Variants in ZNF701 observed in about 807,000 individuals in gnomAD.
ZNF701 encodes zinc finger protein 701.
Under a neutral mutation model 7.1 loss-of-function variants are expected in ZNF701, and 6 were observed. The ratio of observed to expected loss-of-function variants is 0.84; its 90% CI spans 0.46 to 1.66. ZNF701 has a LOEUF of 1.66. Among genes scored for constraint, ZNF701 ranks in the 40% most tolerant of loss-of-function variants. The pLI, the probability that ZNF701 is intolerant of heterozygous loss-of-function variation, is 0.01. For missense variants in ZNF701, 541 were observed against 559.2 expected (o/e 0.97, Z 0.33); for synonymous variants, 166 against 188.2 (o/e 0.88, Z 0.97).
At chr19:52,592,320 T>C in the ZNF701 span, 1 of 1,301,370 alleles carries the variant, frequency 7.7e-7, no homozygotes, top group Non-Finnish European at 1.1e-6. Flanking sequence ...TGTTGCCCCA[T>C]ACATGCTTTT....
chr19:52,575,484 G>A (rs187778023), intron 2 of ZNF701, among the ~76,000 whole-genome samples: 6 of 151,774 alleles, frequency 4.0e-5, no homozygotes, highest in Admixed American at 2.6e-4. Flanking sequence ...TTTGTACTTC[G>A]ATTAATTTTA....
In ZNF701 at chr19:52,574,065, T is replaced by C. The variant is rs2059917204; in HGVS notation, c.-71-12T>C. 1 of 1,609,440 alleles carries C rather than the reference T, an allele frequency of 6.2e-7. No individual in the cohort carries two copies. Among genetic ancestry groups the C allele is most frequent in the Admixed American group, 1.7e-5 (1 of 59,914 alleles). Reference sequence around the variant, plus strand: ...GATTCTGAGCAGTAAACAACATATTTCTAACATTCAGGATTGACTTCTAAA... The same window carrying C: ...GATTCTGAGCAGTAAACAACATATTCCTAACATTCAGGATTGACTTCTAAA... On this transcript the variant is annotated splice_polypyrimidine_tract_variant and intron_variant, in intron 1 of 3. Coordinates refer to ENST00000391785, the MANE Select transcript of ZNF701 (RefSeq NM_018260.3).
Position 52,586,994 on chromosome 19 carries a change from T to C in ZNF701, c.*3537T>C, listed in dbSNP as rs1239642375. 1 of 152,204 alleles carries C rather than the reference T, an allele frequency of 6.6e-6. No individual in the cohort carries two copies. Among genetic ancestry groups the C allele is most frequent in the Non-Finnish European group, 1.5e-5 (1 of 68,058 alleles). The allele number at this position is 152,204 out of a possible 1,614,324, so 9.4% of individuals were successfully genotyped here. A position where few individuals can be genotyped will look rare whatever the true frequency, so the allele number is the denominator to read the frequency against. On this transcript the variant is annotated 3_prime_UTR_variant, in exon 4 of 4. Coordinates refer to ENST00000391785, the MANE Select transcript of ZNF701 (RefSeq NM_018260.3). Reference sequence around the variant, plus strand: ...GTGTGCAGTTGTCTCCGCAGCTCTCTGCTGGGACATCAAACAGGCATCTCC... The same window carrying C: ...GTGTGCAGTTGTCTCCGCAGCTCTCCGCTGGGACATCAAACAGGCATCTCC...
At chr19:52,595,436 A>AT in the ZNF701 span, among the ~76,000 whole-genome samples, 1 of 151,440 alleles carries the variant, frequency 6.6e-6, no homozygotes, top group Admixed American at 6.6e-5. Context: ...CACCTGGCTA[A>AT]TTTTTTTGTA....
the ZNF701 span, among the ~76,000 whole-genome samples, chr19:52,593,274 C>T: frequency 1.7e-5 from 2 of 118,464 alleles, 1 homozygote; most frequent in Admixed American, 1.7e-4. Flanking sequence ...CATCATGGCC[C>T]GTTCTCAATG....
chr19:52,586,715 A>G lies in ZNF701; in HGVS notation c.*3258A>G, dbSNP rs1168347037. On this transcript the variant is annotated 3_prime_UTR_variant, in exon 4 of 4. Transcript: ENST00000391785. ...GAACCTCAGTGAGCCCACCTGTAAT[A>G]TACAGGTGAGGGAGAAGACCAGAAA... 6.6e-6 allele frequency: 1 copy of G among 152,156 alleles called. No homozygotes were observed. Among genetic ancestry groups the G allele is most frequent in the East Asian group, 1.9e-4 (1 of 5,184 alleles). The allele number at this position is 152,156 out of a possible 1,614,324, so 9.4% of individuals were successfully genotyped here.
chr19:52,592,577 G>A, the ZNF701 span, among the ~76,000 whole-genome samples: 1 of 152,162 alleles, frequency 6.6e-6, no homozygotes, highest in East Asian at 1.9e-4. Context: ...TTCCAGCTGC[G>A]CTTGTGGTTT....
At chr19:52,594,814 G>A in the ZNF701 span, among the ~76,000 whole-genome samples, 7 of 152,070 alleles carry the variant, frequency 4.6e-5, no homozygotes, top group Non-Finnish European at 8.8e-5. Context: ...CACCTGGCCC[G>A]TTCTGGTTTT....
chr19:52,571,614 C>A (rs1202725109), intron 1 of ZNF701, among the ~76,000 whole-genome samples: 2 of 152,070 alleles, frequency 1.3e-5, no homozygotes, highest in East Asian at 3.9e-4. Context: ...CCCGCCTCGA[C>A]CTCCCAAAGT....
intron 3 of ZNF701, 148 bp from the exon 4 acceptor site, chr19:52,582,054 G>A: frequency 1.6e-6 from 1 of 610,992 alleles, no homozygotes. Context: ...ATTTATTAAA[G>A]GATCTTACTC....
In ZNF701 at chr19:52,571,144, G is replaced by C. The variant is rs185245273; in HGVS notation, c.-72+814G>C. 2.9e-3 allele frequency among the ~76,000 whole-genome samples: 435 copies of C among 152,106 alleles called. 2 individuals carry two copies. Among genetic ancestry groups the C allele is most frequent in the African/African-American group, 0.01 (418 of 41,520 alleles). On this transcript the variant is annotated intron_variant, in intron 1 of 3. Transcript: ENST00000391785. ...GAAAGCAGGAGGAGAAAAGCAACTGGAGAAATGTAGAGAAAAGCTAGATGT... is the reference window on the plus strand; with the variant it reads ...GAAAGCAGGAGGAGAAAAGCAACTGCAGAAATGTAGAGAAAAGCTAGATGT...
chr19:52,583,747 CACTT>C lies in ZNF701; in HGVS notation c.*294_*297del, dbSNP rs890211748. The C allele has an allele frequency of 8.0e-5, 55 of 690,208 alleles. No individual in the cohort carries two copies. The highest frequency in any genetic ancestry group is 5.6e-4 in the East Asian group (22 of 38,956). 42.8% of individuals were successfully genotyped at this position (690,208 alleles called of 1,614,324 possible). On this transcript the variant is annotated 3_prime_UTR_variant, in exon 4 of 4. Coordinates refer to ENST00000391785, the MANE Select transcript of ZNF701 (RefSeq NM_018260.3). ...GGCAGAGCCTTTGGTGGTCAGTCAA[CACTT>C]ACTCACCATCAAGCAATCCATGGTA...
downstream of ZNF701, among the ~76,000 whole-genome samples, chr19:52,589,205 T>A (rs1180363864): frequency 6.6e-6 from 1 of 152,226 alleles, no homozygotes; most frequent in African/African-American, 2.4e-5. Flanking sequence ...TTTAAGCAAA[T>A]CTTACTCCTG....
intron 3 of ZNF701, among the ~76,000 whole-genome samples, chr19:52,578,222 C>G (rs2059949022): frequency 1.4e-5 from 2 of 139,070 alleles, no homozygotes; most frequent in African/African-American, 2.9e-5. Context: ...CCACTGCACT[C>G]CAGCCTGGGC....
chr19:52,597,059 C>T, the ZNF701 span: 6 of 1,263,984 alleles, frequency 4.7e-6, no homozygotes, highest in South Asian at 7.0e-5. Context: ...TTGCAAATCA[C>T]TGGAGAATCC....
At position 52,585,275 on chromosome 19, in the gene ZNF701, C is replaced by CG. The variant is rs2060002856; in HGVS notation, c.*1818_*1819insG. 3 of 128,552 alleles carry CG rather than the reference C, an allele frequency of 2.3e-5. No individual in the cohort carries two copies. The highest frequency in any genetic ancestry group is 4.7e-5 in the Non-Finnish European group (3 of 64,052). 8.0% of individuals were successfully genotyped at this position (128,552 alleles called of 1,614,324 possible). A position where few individuals can be genotyped will look rare whatever the true frequency, so the allele number is the denominator to read the frequency against. ...GCGAGTTGGACTCTCGCCCTGGGCT[C>CG]CTCATCGGCGCCTGGAGGGCAGCGC... On this transcript the variant is annotated 3_prime_UTR_variant, in exon 4 of 4. Transcript: ENST00000391785.
In ZNF701 at chr19:52,584,819, A is replaced by G. The variant is rs1027927095; in HGVS notation, c.*1362A>G. The G allele has an allele frequency of 3.9e-5, 6 of 151,998 alleles. No individual in the cohort carries two copies. Among genetic ancestry groups the G allele is most frequent in the African/African-American group, 1.2e-4 (5 of 41,380 alleles). 9.4% of individuals were successfully genotyped at this position (151,998 alleles called of 1,614,324 possible). On this transcript the variant is annotated 3_prime_UTR_variant, in exon 4 of 4. Coordinates refer to ENST00000391785, the MANE Select transcript of ZNF701 (RefSeq NM_018260.3). Reference sequence around the variant, plus strand: ...ATTAGTTCCAGTAGTATTTTGGTTGACTCAGGCCCCGCCCACCTCTTCGCC... The same window carrying G: ...ATTAGTTCCAGTAGTATTTTGGTTGGCTCAGGCCCCGCCCACCTCTTCGCC...
rs2146999198 is a variant in ZNF701 at position 52,585,184 on chromosome 19, A to G, written c.*1727A>G. 1 of 152,366 alleles carries G rather than the reference A, an allele frequency of 6.6e-6. No individual in the cohort carries two copies. Among genetic ancestry groups the G allele is most frequent in the South Asian group, 2.1e-4 (1 of 4,828 alleles). 9.4% of individuals were successfully genotyped at this position (152,366 alleles called of 1,614,324 possible). On this transcript the variant is annotated 3_prime_UTR_variant, in exon 4 of 4. Transcript: ENST00000391785. ...GGCCGTGCAGACACCTCCTGTAGCG[A>G]AACTTTCCTTCTCAAAACCCTTCCC...
chr19:52,582,301 A>C lies in ZNF701; in HGVS notation c.242A>C (p.His81Pro). The C allele has an allele frequency of 1.2e-6, 2 of 1,614,020 alleles. No individual in the cohort carries two copies. Among genetic ancestry groups the C allele is most frequent in the Non-Finnish European group, 1.7e-6 (2 of 1,179,942 alleles). The change falls in exon 4 of 4, where the codon CAC becomes CCC. Residue 81 changes from histidine (H) to proline (P), a missense_variant. Transcript: ENST00000391785. ...ACATTGCAAATACATGCAAGTCATC[A>C]CATTGGAGATACTTGCTTCCAGGAA... ...TGTLQIHASH[H>P]IGDTCFQEIE... is the part of the protein sequence containing the mutation.
Sources: allele counts gnomAD v4.1 joint callset (sites outside exome capture counted in the v4.1 genomes callset), GRCh38; gene constraint gnomAD v4.1.1; transcripts MANE v1.5; gene names NCBI Gene and HGNC (gene_info 2026-07-23, HGNC 2026-07-21).